Variants in ALAS2 observed in about 807,000 individuals in gnomAD.
The protein encoded by ALAS2 is 5-aminolevulinate synthase, erythroid-specific, mitochondrial.
In ALAS2, 3 loss-of-function variants were observed where a neutral mutation model predicts 33.7. That is an observed-to-expected ratio of 0.09 (90% CI 0.04 to 0.23). ALAS2 has a LOEUF of 0.23. Among genes scored for constraint, ALAS2 ranks in the 10% least tolerant of loss-of-function variants. The probability of loss-of-function intolerance (pLI) is 1.00; values close to 1 mark genes in which losing one functional copy is unlikely to be tolerated. For missense variants in ALAS2, 304 were observed against 475.1 expected (o/e 0.64, Z 3.35); for synonymous variants, 191 against 177.3 (o/e 1.08, Z -0.61).
intron 7 of ALAS2, among the ~76,000 whole-genome samples, chrX:55,015,959 CTGTGTGTGTGTGTGTG>C (rs56109492): frequency 5.9e-3 from 473 of 80,159 alleles, no homozygotes; most frequent in African/African-American, 7.3e-3. Context: ...CTCTGTCTCT[CTGTGTGTGTGTGTGTG>C]TGTGTGTGTG....
chrX:55,026,078 G>T, intron 1 of ALAS2, 63 bp from the exon 2 acceptor site: 1 of 1,061,624 alleles, frequency 9.4e-7, no homozygotes, highest in Non-Finnish European at 1.3e-6. Flanking sequence ...CCAAGCCTTT[G>T]ATCCTCGTCT....
At position 55,014,133 on chromosome X, in the gene ALAS2, A is replaced by T. The variant is rs754898384; in HGVS notation, c.1438-485T>A. On this transcript the variant is annotated intron_variant, in intron 9 of 10. Coordinates refer to ENST00000650242, the MANE Select transcript of ALAS2 (RefSeq NM_000032.5). ...GTCCTTTCCCTGCCCTGGCTTACTG[A>T]CTCACACAAATACGTGTTATTTAAG... Among the ~76,000 whole-genome samples, 166 of 111,996 alleles carry T rather than the reference A, an allele frequency of 1.5e-3. 1 individual carries two copies. The highest frequency in any genetic ancestry group is 5.0e-3 in the African/African-American group (154 of 30,815).
intron 4 of ALAS2, among the ~76,000 whole-genome samples, chrX:55,022,080 T>C (rs1935813462): frequency 8.9e-6 from 1 of 111,974 alleles, no homozygotes. Context: ...CCCACTTCTT[T>C]AACCATTACC....
intron 7 of ALAS2, 129 bp from the exon 8 acceptor site, chrX:55,015,871 G>A (rs908620741): frequency 5.6e-4 from 412 of 736,594 alleles, no homozygotes; most frequent in Non-Finnish European, 6.5e-4. Context: ...GAGGATGTGC[G>A]CCTTCATTTA....
intron 1 of ALAS2, among the ~76,000 whole-genome samples, chrX:55,027,257 T>TA (rs952330728): frequency 9.2e-6 from 1 of 108,874 alleles, no homozygotes; most frequent in African/African-American, 3.4e-5. Flanking sequence ...GACACAAACA[T>TA]AAAAAAATGC....
At chrX:55,017,013 A>G (rs140955928) in intron 7 of ALAS2, among the ~76,000 whole-genome samples, 1,712 of 111,944 alleles carry the variant, frequency 0.015, 33 homozygotes, top group African/African-American at 0.054. Context: ...AATTTCCTTC[A>G]TAAAAACCAA....
intron 3 of ALAS2, among the ~76,000 whole-genome samples, chrX:55,024,220 T>C (rs1288188725): frequency 8.9e-6 from 1 of 112,040 alleles, no homozygotes; most frequent in Non-Finnish European, 1.9e-5. Flanking sequence ...AATTTTGAAG[T>C]TTTTGTCCTT....
At chrX:55,011,501 C>G (rs1157455890) in intron 10 of ALAS2, among the ~76,000 whole-genome samples, 1 of 111,377 alleles carries the variant, frequency 9.0e-6, no homozygotes, top group Non-Finnish European at 1.9e-5. Flanking sequence ...AAAAATCCCT[C>G]TAGTGGTCAT....
intron 10 of ALAS2, among the ~76,000 whole-genome samples, chrX:55,012,391 C>T (rs1008538193): frequency 1.8e-5 from 2 of 112,107 alleles, no homozygotes; most frequent in Admixed American, 9.4e-5. Context: ...CATACTGGAC[C>T]AGTACCATCT....
chrX:55,015,808 A>T, intron 7 of ALAS2, 66 bp from the exon 8 acceptor site: 2 of 1,144,746 alleles, frequency 1.7e-6, no homozygotes, highest in Non-Finnish European at 2.4e-6. Context: ...TCCAATGTGG[A>T]ATTTCCCATA....
At chrX:55,012,367 A>G (rs1303547447) in intron 10 of ALAS2, among the ~76,000 whole-genome samples, 1 of 112,058 alleles carries the variant, frequency 8.9e-6, no homozygotes, top group Non-Finnish European at 1.9e-5. Flanking sequence ...AGCTCCCAGA[A>G]TACTGGAGCT....
At chrX:55,025,420 C>T (rs936379668) in intron 2 of ALAS2, among the ~76,000 whole-genome samples, 5 of 111,189 alleles carry the variant, frequency 4.5e-5, no homozygotes, top group African/African-American at 1.3e-4. Context: ...CTGCAACCTC[C>T]GCCTCCTGGG....
chrX:55,030,737 G>A (rs1243790549), intron 1 of ALAS2, among the ~76,000 whole-genome samples: 4 of 111,292 alleles, frequency 3.6e-5, no homozygotes, highest in Non-Finnish European at 7.5e-5. Flanking sequence ...AGAAAGTAAC[G>A]AAGGGAAAAA....
intron 6 of ALAS2, among the ~76,000 whole-genome samples, chrX:55,018,079 C>G (rs1935735281): frequency 8.9e-6 from 1 of 111,985 alleles, no homozygotes; most frequent in Non-Finnish European, 1.9e-5. Flanking sequence ...AGATGAAATT[C>G]CATCCATTCC....
Position 55,009,263 on chromosome X carries a change from G to A in ALAS2, c.1681C>T (p.Pro561Ser). ...SVAACNFCRR[P>S]VHFELMSEWE... ...TCACTCATGAGCTCAAAGTGTACAG[G>A]ACGGCGACAGAAATTGCAGGCAGCC... Residue 561 changes from proline to serine, a missense_variant, in exon 11 of 11, where the codon CCT becomes TCT. By Grantham distance (74) the Pro-to-Ser change is moderately conservative (BLOSUM62 -1). This residue lies in a region of ALAS2 where 95 missense variants were observed against 127.0 expected (regional missense o/e 0.75). Coordinates refer to ENST00000650242, the MANE Select transcript of ALAS2 (RefSeq NM_000032.5). The A allele has an allele frequency of 1.7e-6, 2 of 1,206,188 alleles. No individual in the cohort carries two copies. Among genetic ancestry groups the A allele is most frequent in the Non-Finnish European group, 2.2e-6 (2 of 892,899 alleles).
At chrX:55,021,958 C>A in intron 4 of ALAS2, among the ~76,000 whole-genome samples, 1 of 112,019 alleles carries the variant, frequency 8.9e-6, no homozygotes, top group Non-Finnish European at 1.9e-5. Context: ...GCTCCATGGA[C>A]AGTTCTATTA....
chrX:55,010,168 C>T (rs1199065551), intron 10 of ALAS2, among the ~76,000 whole-genome samples: 1 of 111,572 alleles, frequency 9.0e-6, no homozygotes, highest in Non-Finnish European at 1.9e-5. Context: ...TCAGCAAAGA[C>T]CCTTGGCTCT....
chrX:55,025,767 C>A (rs1452623994), intron 2 of ALAS2, 53 bp downstream of exon 2: 14 of 1,165,999 alleles, frequency 1.2e-5, no homozygotes, highest in Non-Finnish European at 1.4e-5. Context: ...TAACTTGGAA[C>A]TTTTACCCCA....
intron 1 of ALAS2, among the ~76,000 whole-genome samples, chrX:55,028,388 G>C (rs993774879): frequency 3.6e-5 from 4 of 111,086 alleles, no homozygotes; most frequent in Non-Finnish European, 7.6e-5. Flanking sequence ...AAGGCTCCAG[G>C]CTCCTGTAAA....
Sources: allele counts gnomAD v4.1 joint callset (sites outside exome capture counted in the v4.1 genomes callset), GRCh38; gene constraint gnomAD v4.1.1; regional missense constraint gnomAD v4.1.1; transcripts MANE v1.5; gene names NCBI Gene and HGNC (gene_info 2026-07-23, HGNC 2026-07-21).